The following CADPS2 variants were observed in gnomAD, a reference collection of about 807,000 sequenced individuals.
CADPS2 encodes calcium-dependent secretion activator 2.
In CADPS2, 93 loss-of-function variants were observed where a neutral mutation model predicts 172.5. That is an observed-to-expected ratio of 0.54 (90% CI 0.46 to 0.64). CADPS2 has a LOEUF of 0.64. Among genes scored for constraint, CADPS2 ranks in the 30% least tolerant of loss-of-function variants. The pLI is 0.00. For missense variants in CADPS2, 1,420 were observed against 1,565.9 expected, an observed-to-expected ratio of 0.91 and a Z score of 1.57; for synonymous variants, 546 against 555.2, an observed-to-expected ratio of 0.98 and a Z score of 0.23.
intron 24 of CADPS2, among the ~76,000 whole-genome samples, chr7:122,381,663 A>G (rs2043013347): frequency 6.6e-6 from 1 of 152,142 alleles, no homozygotes; most frequent in Admixed American, 6.5e-5. Flanking sequence ...ACTAGGAACC[A>G]TTAAATTCTC....
At chr7:122,799,746 CATATT>C (rs1367230768) in intron 1 of CADPS2, among the ~76,000 whole-genome samples, 1 of 152,024 alleles carries the variant, frequency 6.6e-6, no homozygotes. Context: ...CACTGGCACT[CATATT>C]AGTCAAAATA....
chr7:122,629,182 T>G, intron 4 of CADPS2, 66 bp downstream of exon 4: 1 of 1,326,646 alleles, frequency 7.5e-7, no homozygotes, highest in Non-Finnish European at 1.0e-6. Context: ...CAAAACACTT[T>G]TTCAGCTCAC....
intron 1 of CADPS2, among the ~76,000 whole-genome samples, chr7:122,776,006 C>T (rs572515600): frequency 7.2e-5 from 11 of 152,042 alleles, no homozygotes; most frequent in Non-Finnish European, 2.9e-5. Context: ...TGGGCATATA[C>T]TTTCTTAGGT....
chr7:122,405,671 C>CA (rs1011950153), intron 20 of CADPS2, among the ~76,000 whole-genome samples: 2 of 146,554 alleles, frequency 1.4e-5, no homozygotes, highest in Non-Finnish European at 3.0e-5. Context: ...ACAAAACAAA[C>CA]AAAAAACCGG....
chr7:122,571,694 C>T (rs753700040), intron 7 of CADPS2, among the ~76,000 whole-genome samples: 2 of 152,158 alleles, frequency 1.3e-5, no homozygotes, highest in Non-Finnish European at 2.9e-5. Flanking sequence ...TCCCTGTCTG[C>T]GCTCCTGCTT....
At chr7:122,870,867 C>T (rs1240241508) in intron 1 of CADPS2, among the ~76,000 whole-genome samples, 1 of 151,922 alleles carries the variant, frequency 6.6e-6, no homozygotes, top group East Asian at 1.9e-4. Context: ...TTGATAAATG[C>T]AATATGCTTT....
intron 1 of CADPS2, among the ~76,000 whole-genome samples, chr7:122,787,980 GA>G (rs2139594300): frequency 6.6e-6 from 1 of 152,206 alleles, no homozygotes. Context: ...CTGACAAATA[GA>G]ACTCAAAGAC....
chr7:122,691,980 G>A (rs1293977620), intron 2 of CADPS2, among the ~76,000 whole-genome samples: 1 of 152,164 alleles, frequency 6.6e-6, no homozygotes, highest in Admixed American at 6.5e-5. Flanking sequence ...AATTTATCCG[G>A]GTTCAGAGAC....
intron 9 of CADPS2, among the ~76,000 whole-genome samples, chr7:122,502,268 T>G (rs1319753425): frequency 1.3e-5 from 2 of 152,206 alleles, no homozygotes; most frequent in African/African-American, 2.4e-5. Flanking sequence ...TTAATAATTT[T>G]TCTCTTAAAT....
intron 2 of CADPS2, among the ~76,000 whole-genome samples, chr7:122,718,414 G>C (rs1045588784): frequency 6.6e-6 from 1 of 152,010 alleles, no homozygotes; most frequent in Non-Finnish European, 1.5e-5. Flanking sequence ...AAAGAGGGAG[G>C]AAGAAAGATG....
intron 6 of CADPS2, among the ~76,000 whole-genome samples, chr7:122,598,314 TGA>T (rs72427049): frequency 0.014 from 2,202 of 152,136 alleles, 48 homozygotes; most frequent in African/African-American, 0.048. Context: ...GTTTTTTAAA[TGA>T]GAGTATTATA....
intron 1 of CADPS2, among the ~76,000 whole-genome samples, chr7:122,834,411 C>A (rs1039386426): frequency 3.3e-5 from 5 of 152,162 alleles, no homozygotes; most frequent in African/African-American, 4.8e-5. Flanking sequence ...CCGGGTTCAT[C>A]TCACTGAGGT....
intron 1 of CADPS2, among the ~76,000 whole-genome samples, chr7:122,742,374 G>A (rs1370957340): frequency 6.6e-6 from 1 of 151,554 alleles, no homozygotes; most frequent in Non-Finnish European, 1.5e-5. Flanking sequence ...CAGCCTGGGT[G>A]ACAGAGACTC....
intron 1 of CADPS2, among the ~76,000 whole-genome samples, chr7:122,855,041 GGAA>G (rs929263192): frequency 5.3e-5 from 8 of 152,308 alleles, no homozygotes; most frequent in African/African-American, 1.9e-4. Flanking sequence ...TCCCTGGAGA[GGAA>G]GTAGTTTGTG....
chr7:122,741,683 T>G (rs576898767), intron 1 of CADPS2, among the ~76,000 whole-genome samples: 4 of 152,212 alleles, frequency 2.6e-5, no homozygotes, highest in Admixed American at 6.5e-5. Flanking sequence ...AAGTAGACTT[T>G]CAGATTCCAG....
chr7:122,804,077 G>C (rs1306630666), intron 1 of CADPS2, among the ~76,000 whole-genome samples: 1 of 151,038 alleles, frequency 6.6e-6, no homozygotes, highest in African/African-American at 2.4e-5. Flanking sequence ...CTCATTCCCA[G>C]CTACCACACT....
chr7:122,824,536 GTTTTC>G lies in CADPS2; in HGVS notation c.339+61458_339+61462del, dbSNP rs149311044. On this transcript the variant is annotated intron_variant, in intron 1 of 29. Coordinates refer to ENST00000449022, the MANE Select transcript of CADPS2 (RefSeq NM_017954.11). ...TATGATAAAGGGCCATTTGTATTTA[GTTTTC>G]TTTTAACTGTCTGTTCATATCCTTT... Among the ~76,000 whole-genome samples, 1,519 of 152,204 alleles carry G rather than the reference GTTTTC, an allele frequency of 1.0e-2. 10 individuals are homozygous for G. Among genetic ancestry groups the G allele is most frequent in the Non-Finnish European group, 0.017 (1,154 of 67,994 alleles).
intron 9 of CADPS2, among the ~76,000 whole-genome samples, chr7:122,492,057 A>G (rs771452730): frequency 2.0e-5 from 3 of 152,120 alleles, no homozygotes; most frequent in Non-Finnish European, 2.9e-5. Flanking sequence ...CAGTAGTCCC[A>G]GCAACTCTGG....
chr7:122,445,343 CCTT>C (rs1299852173), intron 15 of CADPS2, among the ~76,000 whole-genome samples: 14 of 151,896 alleles, frequency 9.2e-5, no homozygotes, highest in Non-Finnish European at 1.6e-4. Context: ...CAGTATCTCT[CCTT>C]CTATTTAGGT....
Sources: allele counts gnomAD v4.1 joint callset (sites outside exome capture counted in the v4.1 genomes callset), GRCh38; gene constraint gnomAD v4.1.1; transcripts MANE v1.5; gene names NCBI Gene and HGNC (gene_info 2026-07-23, HGNC 2026-07-21).